SNAP25: variants seen among roughly 807,000 people sequenced by gnomAD.
The protein encoded by SNAP25 is synaptosomal-associated protein 25.
In SNAP25, 3 loss-of-function variants were observed where a neutral mutation model predicts 28.7. That is an observed-to-expected ratio of 0.10 (90% CI 0.05 to 0.27). The LOEUF (loss-of-function observed/expected upper bound fraction) is 0.27. Ranked by LOEUF, SNAP25 falls within the 10% of genes least tolerant of loss-of-function variation. The pLI, the probability that SNAP25 is intolerant of heterozygous loss-of-function variation, is 1.00. For missense variants in SNAP25, 117 were observed against 278.7 expected (o/e 0.42, Z 4.13); for synonymous variants, 61 against 88.1 (o/e 0.69, Z 1.72).
rs1359910120 is a variant in SNAP25, at chr20:10,259,822, C to T, written c.-63-15607C>T. Among the ~76,000 whole-genome samples, 4 of 152,294 alleles carry T rather than the reference C, an allele frequency of 2.6e-5. No homozygotes were observed. The East Asian group carries it at 7.7e-4, about 29-fold the overall frequency. Reference sequence around the variant, plus strand: ...AAAATGCTAGGATTATAGGCTTGAGCCGCTGTGCCCAGCCAGAACCCATTC... The same window carrying T: ...AAAATGCTAGGATTATAGGCTTGAGTCGCTGTGCCCAGCCAGAACCCATTC... On this transcript the variant is annotated intron_variant, in intron 1 of 7. Coordinates refer to ENST00000254976, the MANE Select transcript of SNAP25 (RefSeq NM_130811.4).
At chr20:10,256,264 G>T (rs1346074183) in intron 1 of SNAP25, among the ~76,000 whole-genome samples, 2 of 152,152 alleles carry the variant, frequency 1.3e-5, no homozygotes, top group Non-Finnish European at 2.9e-5. Flanking sequence ...CCGCTATTAC[G>T]AAGGACCATT....
intron 4 of SNAP25, among the ~76,000 whole-genome samples, chr20:10,289,553 A>G (rs2063955089): frequency 1.3e-5 from 2 of 151,820 alleles, no homozygotes; most frequent in East Asian, 1.9e-4. Context: ...GCTAAAGTCC[A>G]TTCACCAATA....
chr20:10,234,654 C>T (rs1352243311), intron 1 of SNAP25, among the ~76,000 whole-genome samples: 2 of 152,122 alleles, frequency 1.3e-5, no homozygotes, highest in African/African-American at 4.8e-5. Flanking sequence ...CTAGAAGTTT[C>T]TTGGGTTATT....
chr20:10,282,162 T>TGGAAGGAAGGAAGGAAGGAA (rs536313526), intron 3 of SNAP25, among the ~76,000 whole-genome samples: 1 of 76,642 alleles, frequency 1.3e-5, no homozygotes, highest in South Asian at 5.4e-4. Context: ...GAAGGAAGGA[T>TGGAAGGAAGGAAGGAAGGAA]GGAAGGAAGG....
chr20:10,281,111 G>C (rs6077719), intron 3 of SNAP25, among the ~76,000 whole-genome samples: 22,547 of 152,088 alleles, frequency 0.15, 1,889 homozygotes, highest in Admixed American at 0.2. Flanking sequence ...AAATAAAAGA[G>C]AACAGAAAGA....
rs146524483 is a variant in SNAP25 at position 10,302,533 on chromosome 20, A to G, written c.552+3121A>G. On this transcript the variant is annotated intron_variant, in intron 7 of 7. Transcript: ENST00000254976. Reference sequence around the variant, plus strand: ...GGTCTGAAGTTGAAGAGATTCCCGGAGCGTTCAGAAGATGGGCTGAACAGC... The same window carrying G: ...GGTCTGAAGTTGAAGAGATTCCCGGGGCGTTCAGAAGATGGGCTGAACAGC... 9.8e-5 allele frequency among the ~76,000 whole-genome samples: 15 copies of G among 152,286 alleles called. No homozygotes were observed. The East Asian group carries it at 2.7e-3, about 27-fold the overall frequency.
chr20:10,274,132 A>C (rs944813760), intron 1 of SNAP25, among the ~76,000 whole-genome samples: 1 of 152,116 alleles, frequency 6.6e-6, no homozygotes, highest in African/African-American at 2.4e-5. Flanking sequence ...CTCAATAAAT[A>C]TTTGAGAAGG....
chr20:10,282,103 C>T (rs1370861728), intron 3 of SNAP25, among the ~76,000 whole-genome samples: 1 of 147,430 alleles, frequency 6.8e-6, no homozygotes, highest in East Asian at 2.0e-4. Flanking sequence ...ATCCTTAGTG[C>T]CTAGAGCAGA....
intron 1 of SNAP25, among the ~76,000 whole-genome samples, chr20:10,245,697 C>G (rs914219317): frequency 1.3e-5 from 2 of 152,142 alleles, no homozygotes; most frequent in African/African-American, 2.4e-5. Context: ...CTTATACACA[C>G]ACACACACAC....
chr20:10,240,229 C>A (rs192356292), intron 1 of SNAP25, among the ~76,000 whole-genome samples: 2 of 152,102 alleles, frequency 1.3e-5, no homozygotes, highest in South Asian at 4.1e-4. Flanking sequence ...CCTCTTGGGG[C>A]AACTCACAAC....
intron 1 of SNAP25, among the ~76,000 whole-genome samples, chr20:10,265,858 A>G (rs2063497606): frequency 6.6e-6 from 1 of 152,150 alleles, no homozygotes; most frequent in Admixed American, 6.6e-5. Flanking sequence ...TTAGTGCTTG[A>G]TATGTTGTTC....
At chr20:10,260,688 T>TACACACAC (rs36220354) in intron 1 of SNAP25, among the ~76,000 whole-genome samples, 7 of 148,482 alleles carry the variant, frequency 4.7e-5, no homozygotes, top group African/African-American at 1.2e-4. Context: ...TTAGACTCAC[T>TACACACAC]ACACACACAC....
chr20:10,239,289 C>T (rs363038), intron 1 of SNAP25, among the ~76,000 whole-genome samples: 21,495 of 152,098 alleles, frequency 0.14, 2,860 homozygotes, highest in African/African-American at 0.36. Flanking sequence ...AGACAATAGT[C>T]GAATTTCATG....
At chr20:10,221,451 A>G (rs981217400) in intron 1 of SNAP25, among the ~76,000 whole-genome samples, 1 of 152,234 alleles carries the variant, frequency 6.6e-6, no homozygotes, top group African/African-American at 2.4e-5. Context: ...TTCCCATTTT[A>G]AGTTAGAATT....
intron 1 of SNAP25, among the ~76,000 whole-genome samples, chr20:10,251,296 A>G (rs1249679478): frequency 1.3e-5 from 2 of 152,204 alleles, no homozygotes; most frequent in Non-Finnish European, 2.9e-5. Flanking sequence ...CCTGGGGGAT[A>G]GAGATGACAT....
chr20:10,287,295 C>T (rs2063899221), intron 4 of SNAP25, among the ~76,000 whole-genome samples: 1 of 151,990 alleles, frequency 6.6e-6, no homozygotes, highest in African/African-American at 2.4e-5. Flanking sequence ...CTACAATGAA[C>T]TCAAACAAAT....
chr20:10,224,293 G>C, intron 1 of SNAP25, among the ~76,000 whole-genome samples: 1 of 15,682 alleles, frequency 6.4e-5, no homozygotes, highest in Non-Finnish European at 1.5e-4. Flanking sequence ...TTTTTTTTTT[G>C]CAGTCTTTTC....
At chr20:10,252,502 A>G (rs2063247942) in intron 1 of SNAP25, among the ~76,000 whole-genome samples, 1 of 152,232 alleles carries the variant, frequency 6.6e-6, no homozygotes. Context: ...TCAAGGGTAA[A>G]TAACAAAAAC....
chr20:10,296,812 C>A (rs780422640), intron 5 of SNAP25, 113 bp from the exon 6 acceptor site: 1,276 of 1,513,236 alleles, frequency 8.4e-4, no homozygotes, highest in Non-Finnish European at 1.0e-3. Flanking sequence ...TTATCTAATG[C>A]CTCGACTTAA....
Sources: allele counts gnomAD v4.1 joint callset (sites outside exome capture counted in the v4.1 genomes callset), GRCh38; gene constraint gnomAD v4.1.1; transcripts MANE v1.5; gene names NCBI Gene and HGNC (gene_info 2026-07-23, HGNC 2026-07-21).